The following VSIG8 variants were observed in gnomAD, a reference collection of about 807,000 sequenced individuals.
The protein encoded by VSIG8 is V-set and immunoglobulin domain containing 8, also known as V-set and immunoglobulin domain-containing protein 8.
A neutral mutation model predicts 42.6 loss-of-function variants in VSIG8; 32 were observed. The observed-to-expected ratio is 0.75, with a 90% CI of 0.57 to 1.01. The LOEUF (loss-of-function observed/expected upper bound fraction) is 1.01, where lower values mean the gene tolerates loss of function less well. VSIG8 is among the 50% of genes least tolerant of loss of function. The pLI, the probability that VSIG8 is intolerant of heterozygous loss-of-function variation, is 0.00. For synonymous variants in VSIG8, 290 were observed against 243.8 expected (o/e 1.19, Z -1.77); for missense variants, 529 against 558.0 (o/e 0.95, Z 0.52).
At chr1:159,855,780 G>GA (rs1648797176) in intron 6 of VSIG8, 103 bp downstream of exon 6, 1 of 1,430,142 alleles carries the variant, frequency 7.0e-7, no homozygotes, top group Non-Finnish European at 9.1e-7. Flanking sequence ...TGGCGGGCAG[G>GA]GTTGGGGTGG....
In VSIG8 at chr1:159,854,792, G is replaced by C; in HGVS notation, c.1206C>G (p.Ala402=). The change falls in exon 7 of 7, where the codon GCC becomes GCG. Residue 402 remains alanine (A), a synonymous_variant. Transcript: ENST00000368100. ...CGTTCTTGCACTGCACCGGCCCCTC[G>C]GCGCAGTCAGCCGGCTCCGCGCTCT... ...KVKSAEPADC[A]EGPVQCKNGL... 1.3e-6 allele frequency: 2 copies of C among 1,503,922 alleles called. No individual in the cohort carries two copies. Among genetic ancestry groups the C allele is most frequent in the East Asian group, 2.8e-5 (1 of 36,104 alleles). 93.2% of individuals were successfully genotyped at this position (1,503,922 alleles called of 1,614,324 possible). A position where few individuals can be genotyped will look rare whatever the true frequency, so the allele number is the denominator to read the frequency against.
Position 159,855,998 on chromosome 1 carries a change from GC to G in VSIG8, c.855del (p.Leu286SerfsTer172). 2 of 1,608,602 alleles carry G rather than the reference GC, an allele frequency of 1.2e-6. No homozygotes were observed. The highest frequency in any genetic ancestry group is 1.7e-6 in the Non-Finnish European group (2 of 1,177,766). ...ALGCLAVGIW[G>X]LVCCCCGGSG... The stretch of plus-strand genomic sequence containing the variant: ...GAGCCCCCGCAGCAGCAGCAGACGA[GC>G]CCCCAGATGCCTACGGCCAGGCAGC... On this transcript the variant is annotated frameshift_variant, in exon 6 of 7. Coordinates refer to ENST00000368100, the MANE Select transcript of VSIG8 (RefSeq NM_001013661.1). LOFTEE classifies it high-confidence loss of function.
chr1:159,858,958 G>C (rs778917113), intron 1 of VSIG8, 46 bp from the exon 2 acceptor site: 116 of 1,575,298 alleles, frequency 7.4e-5, no homozygotes, highest in Middle Eastern at 7.4e-4. Context: ...CAGAAGCAGG[G>C]CTTCAGGAGG....
intron 2 of VSIG8, 100 bp downstream of exon 2, chr1:159,858,634 G>T (rs1020786956): frequency 2.9e-6 from 4 of 1,383,882 alleles, no homozygotes; most frequent in Non-Finnish European, 3.9e-6. Context: ...AAGGCCTTGG[G>T]GGAGGTTCAA....
rs1008100405 is a variant in VSIG8, at chr1:159,855,706, G to A, written c.971+177C>T. The A allele has an allele frequency of 3.2e-6, 3 of 945,538 alleles. No individual in the cohort carries two copies. In the African/African-American group the frequency reaches 5.3e-5, roughly 17 times the overall value. The allele number at this position is 945,538 out of a possible 1,614,324, so 58.6% of individuals were successfully genotyped here. On this transcript the variant is annotated intron_variant, in intron 6 of 6. Coordinates refer to ENST00000368100, the MANE Select transcript of VSIG8 (RefSeq NM_001013661.1). Reference sequence around the variant, plus strand: ...CAGAGGTGAAGACTGGGGTGGCAGGGGGAGGGGAAAGCCATGAGTTGGGTG... The same window carrying A: ...CAGAGGTGAAGACTGGGGTGGCAGGAGGAGGGGAAAGCCATGAGTTGGGTG...
rs767378807 is a variant in VSIG8 at position 159,854,973 on chromosome 1, G to C, written c.1025C>G (p.Thr342Ser). 5.0e-5 allele frequency: 78 copies of C among 1,552,508 alleles called. No individual in the cohort carries two copies. Among genetic ancestry groups the C allele is most frequent in the Non-Finnish European group, 6.3e-5 (73 of 1,156,032 alleles). ...CTGCGTCGGGTACCCCAGGAGGTGG[G>C]TGACGCGGCTGCCGCGCCCGCTGGC... is the stretch of plus-strand genomic sequence containing the variant. ...CKASGRGSRV[T>S]HLLGYPTQNV... The change falls in exon 7 of 7, where the codon ACC becomes AGC. Residue 342 changes from threonine (T) to serine (S), a missense_variant. Transcript: ENST00000368100.
rs762494584 is a variant in VSIG8, at chr1:159,855,957, G to T, written c.897C>A (p.Ala299=). Residue 299 remains alanine (A), a synonymous_variant, in exon 6 of 7, where the codon GCC becomes GCA. Transcript: ENST00000368100. ...CGTTGCCGTAGCCGAAGGCACCGCGGGCGCCGCCAGCCCCGGAGCCCCCGC... is the reference window on the plus strand; with the variant it reads ...CGTTGCCGTAGCCGAAGGCACCGCGTGCGCCGCCAGCCCCGGAGCCCCCGC... ...CCCGGSGAGG[A]RGAFGYGNGG... The T allele has an allele frequency of 2.6e-5, 41 of 1,582,748 alleles. No individual in the cohort carries two copies. The Admixed American group carries it at 7.4e-4, about 29-fold the overall frequency.
intron 4 of VSIG8, 111 bp downstream of exon 4, chr1:159,857,634 G>T: frequency 1.2e-6 from 1 of 836,358 alleles, no homozygotes; most frequent in Non-Finnish European, 1.8e-6. Flanking sequence ...GTCTCCCACA[G>T]GGATTCCAGG....
At chr1:159,858,413 GAAT>G (rs1338911597) in intron 2 of VSIG8, 122 bp from the exon 3 acceptor site, 1 of 1,007,128 alleles carries the variant, frequency 9.9e-7, no homozygotes, top group African/African-American at 1.6e-5. Context: ...GAAAAAATGA[GAAT>G]AATGATGCCT....
rs765678077 is a variant in VSIG8 at position 159,858,871 on chromosome 1, C to T, written c.91G>A (p.Val31Ile). 6.2e-7 allele frequency: 1 copy of T among 1,614,068 alleles called. No homozygotes were observed. Among genetic ancestry groups the T allele is most frequent in the South Asian group, 1.1e-5 (1 of 91,072 alleles). ...TTATCACCTTCTGCCAGGTACAGGA[C>T]CTCCTGTCCATCCCCGTTGATCCGC... is the stretch of plus-strand genomic sequence containing the variant. ...AVRINGDGQEVLYLAEGDNVR... is the reference protein window; with the variant it reads ...AVRINGDGQEILYLAEGDNVR... The change falls in exon 2 of 7, where the codon GTC becomes ATC. Residue 31 changes from valine (V) to isoleucine (I), a missense_variant. By Grantham distance (29) the Val-to-Ile change is conservative. Transcript: ENST00000368100.
In VSIG8 at chr1:159,855,073, G is replaced by C. The variant is rs1027414557; in HGVS notation, c.972-47C>G. 1.0e-5 allele frequency: 16 copies of C among 1,562,108 alleles called. No individual in the cohort carries two copies. In the African/African-American group the frequency reaches 1.9e-4, roughly 19 times the overall value. ...CGGGTGAGCGGGCTGCTCCGCAGCGGGGCGTGGGCACGGCCTGGGCAGAGC... is the reference window on the plus strand; with the variant it reads ...CGGGTGAGCGGGCTGCTCCGCAGCGCGGCGTGGGCACGGCCTGGGCAGAGC... On this transcript the variant is annotated intron_variant, in intron 6 of 6. Transcript: ENST00000368100.
At chr1:159,862,434 C>A in intron 1 of VSIG8, 39 bp downstream of exon 1, 1 of 1,588,874 alleles carries the variant, frequency 6.3e-7, no homozygotes. Flanking sequence ...TCCCACCTAG[C>A]CTCATGCTGG....
At position 159,857,870 on chromosome 1, in the gene VSIG8, A is replaced by T. The variant is rs1648897289; in HGVS notation, c.527T>A (p.Leu176His). The T allele has an allele frequency of 3.7e-6, 6 of 1,614,154 alleles. No individual in the cohort carries two copies. The highest frequency in any genetic ancestry group is 5.1e-6 in the Non-Finnish European group (6 of 1,180,016). Residue 176 changes from leucine to histidine, a missense_variant, in exon 4 of 7, where the codon CTC (leucine) becomes CAC (histidine). Coordinates refer to ENST00000368100, the MANE Select transcript of VSIG8 (RefSeq NM_001013661.1). The stretch of plus-strand genomic sequence containing the variant: ...ACTGATCTTGGCCCACTTGTAGGAG[A>T]GGGGCTGGGAGCCCCCACTGGCATA... ...KCYASGGSQP[L>H]SYKWAKISGH... is the part of the protein sequence containing the mutation.
chr1:159,860,275 C>T (rs1648978111), intron 1 of VSIG8, among the ~76,000 whole-genome samples: 2 of 152,212 alleles, frequency 1.3e-5, no homozygotes, highest in Admixed American at 6.5e-5. Flanking sequence ...AGATACATAC[C>T]TATATGGCCC....
Position 159,857,776 on chromosome 1 carries a change from G to A in VSIG8, c.621C>T (p.Tyr207=). 1 of 1,614,128 alleles carries A rather than the reference G, an allele frequency of 6.2e-7. No homozygotes were observed. The highest frequency in any genetic ancestry group is 8.5e-7 in the Non-Finnish European group (1 of 1,180,012). ...SQHSYHSELS[Y]QESFHSSINQ... ...TTATGGAGCTGTGGAAGGACTCCTG[G>A]TAGGACAGCTCTGAGTGGTAGCTGT... The change falls in exon 4 of 7, where the codon TAC becomes TAT. Residue 207 remains tyrosine (Y), a synonymous_variant. Transcript: ENST00000368100.
intron 4 of VSIG8, 121 bp downstream of exon 4, chr1:159,857,624 G>A (rs1271628425): frequency 1.3e-6 from 1 of 749,806 alleles, no homozygotes; most frequent in Non-Finnish European, 2.1e-6. Flanking sequence ...CAGAGGGAGG[G>A]TCTCCCACAG....
Position 159,855,025 on chromosome 1 carries a change from C to G in VSIG8, c.973G>C (p.Glu325Gln). ...TTGCACCCGGGCGCCACGGCGTCCT[C>G]TCTGTGGAAAACAACAGGCGGGCGG... ...ACGDLASEIR[E>Q]DAVAPGCKAS... The change falls in exon 7 of 7, where the codon GAG (glutamate) becomes CAG (glutamine). Residue 325 changes from glutamate to glutamine, a missense_variant and splice_region_variant. By Grantham distance (29) the Glu-to-Gln change is conservative. Transcript: ENST00000368100. 1.9e-6 allele frequency: 3 copies of G among 1,575,522 alleles called. No individual in the cohort carries two copies. Among genetic ancestry groups the G allele is most frequent in the Non-Finnish European group, 2.6e-6 (3 of 1,162,468 alleles).
At chr1:159,855,850 G>A (rs943624916) in intron 6 of VSIG8, 33 bp downstream of exon 6, 7 of 1,523,164 alleles carry the variant, frequency 4.6e-6, no homozygotes, top group African/African-American at 1.4e-5. Flanking sequence ...GTTCCCTGCC[G>A]CACAGCAGCA....
In VSIG8 at chr1:159,854,576, T is replaced by C; in HGVS notation, c.*177A>G. On this transcript the variant is annotated 3_prime_UTR_variant, in exon 7 of 7. Coordinates refer to ENST00000368100, the MANE Select transcript of VSIG8 (RefSeq NM_001013661.1). Reference sequence around the variant, plus strand: ...TCCGCCCTCGCCCGCCCCTTCCCACTTTTGGGGAGGAGGCTCTGCCTCCCT... The same window carrying C: ...TCCGCCCTCGCCCGCCCCTTCCCACCTTTGGGGAGGAGGCTCTGCCTCCCT... The C allele has an allele frequency of 3.3e-6, 4 of 1,217,256 alleles. No homozygotes were observed. Among genetic ancestry groups the C allele is most frequent in the Non-Finnish European group, 4.2e-6 (4 of 944,628 alleles). The allele number at this position is 1,217,256 out of a possible 1,614,324, so 75.4% of individuals were successfully genotyped here. A position where few individuals can be genotyped will look rare whatever the true frequency, so the allele number is the denominator to read the frequency against.
Sources: allele counts gnomAD v4.1 joint callset (sites outside exome capture counted in the v4.1 genomes callset), GRCh38; gene constraint gnomAD v4.1.1; transcripts MANE v1.5; gene names NCBI Gene and HGNC (gene_info 2026-07-23, HGNC 2026-07-21).